The following RRH variants were observed in gnomAD, a reference collection of about 807,000 sequenced individuals.
RRH encodes visual pigment-like receptor peropsin.
In RRH, 36 loss-of-function variants were observed where a neutral mutation model predicts 33.1. That is an observed-to-expected ratio of 1.09 (90% CI 0.83 to 1.44). The LOEUF (loss-of-function observed/expected upper bound fraction) is 1.44. RRH is among the 40% of genes most tolerant of loss of function. RRH has a pLI of 0.00. For missense variants in RRH, 393 were observed against 420.2 expected, an observed-to-expected ratio of 0.94 and a Z score of 0.57; for synonymous variants, 124 against 140.2, an observed-to-expected ratio of 0.88 and a Z score of 0.82.
chr4:109,838,822 T>C (rs1241575390), intron 5 of RRH, among the ~76,000 whole-genome samples: 1 of 152,212 alleles, frequency 6.6e-6, no homozygotes, highest in African/African-American at 2.4e-5. Flanking sequence ...ATCTTCTCTA[T>C]GTCTCTAGTT....
At chr4:109,839,734 A>G (rs1733952264) in intron 5 of RRH, among the ~76,000 whole-genome samples, 1 of 152,170 alleles carries the variant, frequency 6.6e-6, no homozygotes, top group African/African-American at 2.4e-5. Context: ...TTCCTGCATT[A>G]GTTTGCTAAA....
intron 6 of RRH, among the ~76,000 whole-genome samples, chr4:109,843,452 G>A (rs1010794625): frequency 4.6e-5 from 7 of 152,138 alleles, no homozygotes; most frequent in African/African-American, 1.2e-4. Context: ...CTCGTGATCC[G>A]CCCGCCTCGG....
chr4:109,839,533 A>G (rs1733948372), intron 5 of RRH, among the ~76,000 whole-genome samples: 2 of 151,954 alleles, frequency 1.3e-5, no homozygotes, highest in South Asian at 4.2e-4. Flanking sequence ...AACGTGTGCC[A>G]TGGTGGTTTG....
At chr4:109,833,726 T>C (rs1733813299) in intron 2 of RRH, among the ~76,000 whole-genome samples, 1 of 152,222 alleles carries the variant, frequency 6.6e-6, no homozygotes. Context: ...TGTTGAATTT[T>C]TTCCTATAGA....
intron 5 of RRH, among the ~76,000 whole-genome samples, chr4:109,840,057 C>G (rs776451532): frequency 6.6e-6 from 1 of 152,168 alleles, no homozygotes; most frequent in Non-Finnish European, 1.5e-5. Context: ...CAATCTTCCA[C>G]AATGGTTGAA....
rs74642307 is a variant in RRH at position 109,832,732 on chromosome 4, T to C, written c.107-407T>C. 7.5e-3 allele frequency among the ~76,000 whole-genome samples: 1,134 copies of C among 151,792 alleles called. 14 individuals carry two copies. Among genetic ancestry groups the C allele is most frequent in the African/African-American group, 0.026 (1,080 of 41,338 alleles). ...ATAATTGAAGCTTGAGAAAGGCAACTATCGAAAAAGAAGAGCCCCAGGCCC... is the reference window on the plus strand; with the variant it reads ...ATAATTGAAGCTTGAGAAAGGCAACCATCGAAAAAGAAGAGCCCCAGGCCC... On this transcript the variant is annotated intron_variant, in intron 1 of 6. Transcript: ENST00000317735.
chr4:109,830,900 C>A (rs1344099521), intron 1 of RRH, among the ~76,000 whole-genome samples: 1 of 152,110 alleles, frequency 6.6e-6, no homozygotes, highest in East Asian at 1.9e-4. Context: ...GAAAATGTTT[C>A]AAGAGTGAAG....
intron 1 of RRH, among the ~76,000 whole-genome samples, chr4:109,831,172 A>G (rs183304549): frequency 2.0e-5 from 3 of 152,272 alleles, no homozygotes; most frequent in Admixed American, 6.5e-5. Flanking sequence ...AATTTACTGC[A>G]CTGTTTTTAT....
At position 109,835,475 on chromosome 4, in the gene RRH, T is replaced by C; in HGVS notation, c.397+10T>C. ...TGCCTTCCTGACGTAGGTACAACAC[T>C]TTTCTCAGCTTTCTTAATGAATCCA... On this transcript the variant is annotated intron_variant, in intron 3 of 6. Coordinates refer to ENST00000317735, the MANE Select transcript of RRH (RefSeq NM_006583.5). 1 of 1,588,186 alleles carries C rather than the reference T, an allele frequency of 6.3e-7. No individual in the cohort carries two copies. Among genetic ancestry groups the C allele is most frequent in the Non-Finnish European group, 8.6e-7 (1 of 1,156,464 alleles).
chr4:109,840,688 TTA>T (rs1362052525), intron 5 of RRH, among the ~76,000 whole-genome samples: 1 of 152,074 alleles, frequency 6.6e-6, no homozygotes, highest in Non-Finnish European at 1.5e-5. Flanking sequence ...ATGTATATAT[TTA>T]TACTTCCTTC....
intron 5 of RRH, among the ~76,000 whole-genome samples, chr4:109,839,492 G>A (rs891247830): frequency 2.0e-5 from 3 of 152,102 alleles, no homozygotes; most frequent in Non-Finnish European, 4.4e-5. Context: ...AGGGGTACAT[G>A]TGCATGACGT....
rs1733798622 is a variant in RRH at position 109,833,246 on chromosome 4, A to G, written c.214A>G (p.Ile72Val). ...TATTATTAACCTGGCTGTTACTGAT[A>G]TAGGGGTCAGTAGCATTGGCTATCC... The part of the protein sequence containing the change: ...AIIINLAVTD[I>V]GVSSIGYPMS... Residue 72 changes from isoleucine (I) to valine (V), a missense_variant, in exon 2 of 7, where the codon ATA becomes GTA. Ile to Val is a conservative substitution (Grantham distance 29). Transcript: ENST00000317735. The G allele has an allele frequency of 1.9e-6, 3 of 1,613,578 alleles. No individual in the cohort carries two copies. Among genetic ancestry groups the G allele is most frequent in the Non-Finnish European group, 2.5e-6 (3 of 1,179,508 alleles).
At chr4:109,839,675 T>A (rs1733950732) in intron 5 of RRH, among the ~76,000 whole-genome samples, 1 of 152,172 alleles carries the variant, frequency 6.6e-6, no homozygotes, top group Admixed American at 6.5e-5. Flanking sequence ...TGTGTTCTCA[T>A]CATTTAGCTC....
intron 2 of RRH, among the ~76,000 whole-genome samples, chr4:109,834,488 C>T (rs1045187213): frequency 1.5e-5 from 2 of 131,840 alleles, no homozygotes; most frequent in South Asian, 2.7e-4. Flanking sequence ...TGCCACCAAG[C>T]CTGGCTAATT....
At chr4:109,842,792 C>A (rs889239571) in intron 6 of RRH, 145 bp downstream of exon 6, 43 of 729,700 alleles carry the variant, frequency 5.9e-5, no homozygotes, top group Middle Eastern at 3.6e-4. Flanking sequence ...GCATCTAGGA[C>A]CTTAAATGCT....
intron 1 of RRH, among the ~76,000 whole-genome samples, chr4:109,829,866 CTT>C (rs891591427): frequency 1.3e-5 from 2 of 152,136 alleles, no homozygotes; most frequent in Non-Finnish European, 2.9e-5. Flanking sequence ...TAGCTGAACT[CTT>C]TATGCTTTTG....
intron 5 of RRH, among the ~76,000 whole-genome samples, chr4:109,840,225 G>A (rs1255764165): frequency 6.6e-6 from 1 of 151,266 alleles, no homozygotes; most frequent in Non-Finnish European, 1.5e-5. Context: ...TCAGTGATGA[G>A]CTTTTTTTTT....
intron 1 of RRH, among the ~76,000 whole-genome samples, chr4:109,829,055 A>G (rs1733695074): frequency 6.6e-6 from 1 of 152,126 alleles, no homozygotes; most frequent in Non-Finnish European, 1.5e-5. Context: ...TTTATACTCT[A>G]ACGAGTTGTA....
rs1298586170 is a variant in RRH, at chr4:109,835,469, C to T, written c.397+4C>T. On this transcript the variant is annotated splice_donor_region_variant and intron_variant, in intron 3 of 6. Coordinates refer to ENST00000317735, the MANE Select transcript of RRH (RefSeq NM_006583.5). ...ACCATCTGCCTTCCTGACGTAGGTA[C>T]AACACTTTTCTCAGCTTTCTTAATG... 2 of 1,602,196 alleles carry T rather than the reference C, an allele frequency of 1.2e-6. No homozygotes were observed. The highest frequency in any genetic ancestry group is 1.1e-5 in the South Asian group (1 of 90,828).
Sources: allele counts gnomAD v4.1 joint callset (sites outside exome capture counted in the v4.1 genomes callset), GRCh38; gene constraint gnomAD v4.1.1; transcripts MANE v1.5; gene names NCBI Gene and HGNC (gene_info 2026-07-23, HGNC 2026-07-21).